The following IPCEF1 variants were observed in gnomAD, a reference collection of about 807,000 sequenced individuals.
IPCEF1 encodes the protein interaction protein for cytohesin exchange factors 1, also known as interactor protein for cytohesin exchange factors 1.
A neutral mutation model predicts 50.9 loss-of-function variants in IPCEF1; 31 were observed. That is an observed-to-expected ratio of 0.61 (90% confidence interval 0.46 to 0.82). IPCEF1 has a LOEUF of 0.82. Ranked by LOEUF, IPCEF1 falls within the 40% of genes least tolerant of loss-of-function variation. The pLI, the probability that IPCEF1 is intolerant of heterozygous loss-of-function variation, is 0.00. For missense variants in IPCEF1, 458 were observed against 514.0 expected, an observed-to-expected ratio of 0.89 and a Z score of 1.05; for synonymous variants, 181 against 192.0, an observed-to-expected ratio of 0.94 and a Z score of 0.47.
At chr6:154,186,336 TTC>T (rs1801340819) in intron 10 of IPCEF1, among the ~76,000 whole-genome samples, 1 of 152,220 alleles carries the variant, frequency 6.6e-6, no homozygotes, top group Non-Finnish European at 1.5e-5. Context: ...CATCTTTGAC[TTC>T]TGTCTTTCTC....
At chr6:154,296,974 G>T (rs993601352) in intron 1 of IPCEF1, among the ~76,000 whole-genome samples, 22 of 152,278 alleles carry the variant, frequency 1.4e-4, no homozygotes, top group Middle Eastern at 6.8e-3. Context: ...CTAAATGTGC[G>T]ATATAAGATG....
At chr6:154,283,553 G>A (rs189165925) in intron 2 of IPCEF1, among the ~76,000 whole-genome samples, 18 of 150,430 alleles carry the variant, frequency 1.2e-4, no homozygotes, top group African/African-American at 2.4e-4. Flanking sequence ...AGCTGAGATC[G>A]CGCCACTGCA....
rs1443963322 is a variant in IPCEF1 at position 154,265,942 on chromosome 6, T to A, written c.6A>T (p.Thr2=). The part of the protein sequence containing the change: M[T]SYMAIDGSAL... ...CACTGCCATCAATAGCCATGTATGA[T>A]GTCATCTTAGTAGAAACAAAAGCTA... Residue 2 remains threonine (T), a synonymous_variant, in exon 3 of 12, where the codon ACA becomes ACT. Coordinates refer to ENST00000367220, the MANE Select transcript of IPCEF1 (RefSeq NM_001130700.2). 9 of 1,601,882 alleles carry A rather than the reference T, an allele frequency of 5.6e-6. No individual in the cohort carries two copies. The highest frequency in any genetic ancestry group is 7.7e-6 in the Non-Finnish European group (9 of 1,172,912).
chr6:154,201,523 C>A (rs941478378), intron 9 of IPCEF1, among the ~76,000 whole-genome samples: 8 of 152,124 alleles, frequency 5.3e-5, no homozygotes, highest in African/African-American at 1.7e-4. Context: ...CAACAGCAGA[C>A]AAGGTAGAGA....
chr6:154,296,642 A>G (rs1782666248), intron 1 of IPCEF1, among the ~76,000 whole-genome samples: 1 of 152,126 alleles, frequency 6.6e-6, no homozygotes, highest in Non-Finnish European at 1.5e-5. Flanking sequence ...ATCCTGGCTA[A>G]CACAGTGAAA....
chr6:154,172,017 T>G (rs1202419545), intron 10 of IPCEF1, among the ~76,000 whole-genome samples: 1 of 152,238 alleles, frequency 6.6e-6, no homozygotes, highest in African/African-American at 2.4e-5. Flanking sequence ...GAATGGTTTC[T>G]TTACATTTCT....
chr6:154,179,046 C>A (rs1388104462), intron 10 of IPCEF1, among the ~76,000 whole-genome samples: 1 of 152,202 alleles, frequency 6.6e-6, no homozygotes, highest in Non-Finnish European at 1.5e-5. Flanking sequence ...AGGTCCACGA[C>A]CCAGTCAGGG....
chr6:154,209,512 T>C (rs1035485601), intron 9 of IPCEF1, among the ~76,000 whole-genome samples: 3 of 151,968 alleles, frequency 2.0e-5, no homozygotes, highest in Non-Finnish European at 2.9e-5. Flanking sequence ...CCAGGTATGG[T>C]GGTGCACACC....
intron 10 of IPCEF1, among the ~76,000 whole-genome samples, chr6:154,197,811 A>T (rs977793850): frequency 6.6e-6 from 1 of 152,192 alleles, no homozygotes; most frequent in Admixed American, 6.5e-5. Flanking sequence ...TTTTGAAGCT[A>T]TGCTCATCCT....
chr6:154,160,379 G>A (rs1275587822), intron 11 of IPCEF1, among the ~76,000 whole-genome samples: 3 of 152,100 alleles, frequency 2.0e-5, no homozygotes, highest in Non-Finnish European at 4.4e-5. Context: ...ACTTACCATT[G>A]TAGGTATTAG....
chr6:154,241,412 G>A (rs1780582594), intron 5 of IPCEF1, among the ~76,000 whole-genome samples: 1 of 151,022 alleles, frequency 6.6e-6, no homozygotes, highest in Non-Finnish European at 1.5e-5. Context: ...AAGAAACAAT[G>A]TACAAAACTA....
chr6:154,182,812 G>A (rs537733206), intron 10 of IPCEF1, among the ~76,000 whole-genome samples: 229 of 152,018 alleles, frequency 1.5e-3, no homozygotes, highest in Middle Eastern at 6.8e-3. Context: ...TCCATGATGG[G>A]GACAAGTGAA....
At chr6:154,200,231 G>C (rs1776951948) in intron 9 of IPCEF1, among the ~76,000 whole-genome samples, 191 bp from the exon 10 acceptor site, 1 of 152,110 alleles carries the variant, frequency 6.6e-6, no homozygotes, top group African/African-American at 2.4e-5. Flanking sequence ...CTCCAAAACT[G>C]ATTTATGTAA....
intron 10 of IPCEF1, among the ~76,000 whole-genome samples, chr6:154,193,936 A>G (rs1035693118): frequency 3.4e-5 from 5 of 149,190 alleles, no homozygotes; most frequent in African/African-American, 1.2e-4. Flanking sequence ...ATTAAAAGGG[A>G]TGTCCAACAT....
At chr6:154,237,006 G>T (rs1392963905) in intron 5 of IPCEF1, among the ~76,000 whole-genome samples, 2 of 152,012 alleles carry the variant, frequency 1.3e-5, no homozygotes, top group Non-Finnish European at 2.9e-5. Flanking sequence ...CCTCTCTATG[G>T]TTTCCTTTTG....
chr6:154,179,792 G>T (rs1196829000), intron 10 of IPCEF1, among the ~76,000 whole-genome samples: 2 of 152,180 alleles, frequency 1.3e-5, no homozygotes, highest in Non-Finnish European at 2.9e-5. Context: ...AAGAATAAAA[G>T]TTCACTTTCA....
intron 5 of IPCEF1, among the ~76,000 whole-genome samples, chr6:154,238,154 T>C (rs1780287597): frequency 6.6e-6 from 1 of 152,234 alleles, no homozygotes; most frequent in South Asian, 2.1e-4. Flanking sequence ...GACAACAGCA[T>C]CATGTATGAT....
At chr6:154,203,564 G>A (rs953857751) in intron 9 of IPCEF1, among the ~76,000 whole-genome samples, 27 of 152,124 alleles carry the variant, frequency 1.8e-4, no homozygotes, top group African/African-American at 6.3e-4. Flanking sequence ...ACAGGGAGCC[G>A]ACTTTTCGTG....
intron 1 of IPCEF1, among the ~76,000 whole-genome samples, chr6:154,334,543 C>T (rs1244856353): frequency 1.3e-5 from 2 of 152,232 alleles, no homozygotes; most frequent in Non-Finnish European, 2.9e-5. Context: ...ATGACCCAGG[C>T]TGGGAGGCAC....
Sources: gnomAD v4.1 joint callset for allele counts (sites outside exome capture counted in the v4.1 genomes callset) on GRCh38, gnomAD v4.1.1 for gene constraint, MANE v1.5 for transcripts, NCBI Gene and HGNC (gene_info 2026-07-23, HGNC 2026-07-21) for gene names.